PLPPR1: variants seen among roughly 807,000 people sequenced by gnomAD.
PLPPR1 encodes the protein phospholipid phosphatase-related protein type 1.
In PLPPR1, 10 loss-of-function variants were observed where a neutral mutation model predicts 33.1. That is an observed-to-expected ratio of 0.30 (90% CI 0.19 to 0.51). PLPPR1 has a LOEUF of 0.51. PLPPR1 is among the 20% of genes least tolerant of loss of function. PLPPR1 has a pLI of 0.97. For missense variants in PLPPR1, 304 were observed against 408.1 expected, an observed-to-expected ratio of 0.74 and a Z score of 2.20; for synonymous variants, 151 against 151.0, an observed-to-expected ratio of 1.00 and a Z score of 0.00.
intron 1 of PLPPR1, among the ~76,000 whole-genome samples, chr9:101,095,152 A>G (rs962975645): frequency 2.6e-5 from 4 of 152,196 alleles, no homozygotes; most frequent in African/African-American, 2.4e-5. Flanking sequence ...TCCAAGCTCA[A>G]TAGTCTCACT....
intron 2 of PLPPR1, among the ~76,000 whole-genome samples, chr9:101,231,800 G>A (rs184514595): frequency 1.2e-4 from 19 of 152,094 alleles, no homozygotes; most frequent in Admixed American, 7.2e-4. Flanking sequence ...TAAAGTAGTC[G>A]ATTTTCCTTC....
intron 7 of PLPPR1, among the ~76,000 whole-genome samples, chr9:101,320,167 C>T (rs1363363288): frequency 6.6e-6 from 1 of 152,188 alleles, no homozygotes; most frequent in Non-Finnish European, 1.5e-5. Flanking sequence ...AGTAGTTGAA[C>T]TTCTCTCAAA....
At chr9:101,313,440 A>G (rs1478954180) in intron 6 of PLPPR1, among the ~76,000 whole-genome samples, 1 of 152,172 alleles carries the variant, frequency 6.6e-6, no homozygotes, top group African/African-American at 2.4e-5. Flanking sequence ...CCAAAGTTGC[A>G]TCTCCTACTC....
chr9:101,173,732 G>T lies in PLPPR1; in HGVS notation c.-45-11718G>T, dbSNP rs1825980086. On this transcript the variant is annotated intron_variant, in intron 1 of 7. Transcript: ENST00000374874. ...CCTAAATTAGTAGTTCTCCATCAGG[G>T]GAAGTCTCCATGCCTTTTTTCTCTC... Among the ~76,000 whole-genome samples the T allele has an allele frequency of 2.6e-5, 4 of 152,074 alleles. No individual in the cohort carries two copies. In the South Asian group the frequency reaches 8.3e-4, roughly 32 times the overall value.
intron 1 of PLPPR1, chr9:101,125,659 T>C (rs1443240263): frequency 1.0e-5 from 6 of 597,730 alleles, no homozygotes; most frequent in Admixed American, 8.5e-5. Flanking sequence ...TCATGGCAAT[T>C]CACATATTTA....
intron 3 of PLPPR1, among the ~76,000 whole-genome samples, chr9:101,272,989 C>T (rs547253331): frequency 9.2e-5 from 14 of 152,132 alleles, no homozygotes; most frequent in Non-Finnish European, 2.1e-4. Context: ...TAATTAGAAA[C>T]TAGGAACTAG....
chr9:101,086,404 T>C (rs1257447281), intron 1 of PLPPR1, among the ~76,000 whole-genome samples: 1 of 152,186 alleles, frequency 6.6e-6, no homozygotes, highest in East Asian at 1.9e-4. Flanking sequence ...AGTTGTCCTA[T>C]GATGGGTCAA....
intron 4 of PLPPR1, among the ~76,000 whole-genome samples, chr9:101,289,967 G>A (rs573592539): frequency 6.6e-4 from 101 of 152,284 alleles, no homozygotes; most frequent in Non-Finnish European, 9.7e-4. Flanking sequence ...GGAAATTAAA[G>A]TGCATAAATG....
At chr9:101,308,048 G>A (rs115548078) in intron 4 of PLPPR1, among the ~76,000 whole-genome samples, 2,158 of 152,226 alleles carry the variant, frequency 0.014, 42 homozygotes, top group African/African-American at 0.047. Context: ...ATAAAATCCA[G>A]GAAGTATAGC....
At chr9:101,167,603 G>T (rs1269276966) in intron 1 of PLPPR1, among the ~76,000 whole-genome samples, 1 of 152,022 alleles carries the variant, frequency 6.6e-6, no homozygotes, top group Non-Finnish European at 1.5e-5. Flanking sequence ...ATGAGAACTA[G>T]TGCAGACATC....
At chr9:101,050,912 C>T (rs921259891) in intron 1 of PLPPR1, among the ~76,000 whole-genome samples, 1 of 152,292 alleles carries the variant, frequency 6.6e-6, no homozygotes, top group East Asian at 1.9e-4. Context: ...TCCATCGGCT[C>T]TTACCCAGTC....
intron 1 of PLPPR1, among the ~76,000 whole-genome samples, chr9:101,078,528 A>G (rs1031753842): frequency 7.2e-5 from 11 of 151,894 alleles, no homozygotes; most frequent in African/African-American, 2.7e-4. Context: ...GTTGGGACCT[A>G]TAAGTTAAAG....
intron 1 of PLPPR1, among the ~76,000 whole-genome samples, chr9:101,155,007 T>G (rs1244653632): frequency 6.6e-6 from 1 of 150,548 alleles, no homozygotes; most frequent in East Asian, 2.0e-4. Context: ...ATATACGTAA[T>G]GTAAATGATG....
rs143057370 is a variant in PLPPR1, at chr9:101,046,664, C to G, written c.-46+17562C>G. 5.9e-3 allele frequency among the ~76,000 whole-genome samples: 891 copies of G among 151,836 alleles called. 8 individuals are homozygous for G. Among genetic ancestry groups the G allele is most frequent in the African/African-American group, 0.021 (855 of 41,412 alleles). ...TTCACCATGTTAGCCAGGATGGTCT[C>G]GATCTCCTGACCTCGTGATCCACCT... On this transcript the variant is annotated intron_variant, in intron 1 of 7. Transcript: ENST00000374874.
intron 2 of PLPPR1, among the ~76,000 whole-genome samples, chr9:101,268,233 C>T (rs1159724302): frequency 6.7e-6 from 1 of 150,254 alleles, no homozygotes; most frequent in Non-Finnish European, 1.5e-5. Flanking sequence ...CACATGTACC[C>T]TAAAGTAAAA....
chr9:101,295,300 G>T (rs897328273), intron 4 of PLPPR1, among the ~76,000 whole-genome samples: 3 of 151,978 alleles, frequency 2.0e-5, no homozygotes, highest in Non-Finnish European at 4.4e-5. Flanking sequence ...GGAAATAAAA[G>T]AGGATACAAA....
intron 1 of PLPPR1, among the ~76,000 whole-genome samples, chr9:101,084,013 G>C (rs2118517454): frequency 6.6e-6 from 1 of 152,274 alleles, no homozygotes; most frequent in South Asian, 2.1e-4. Flanking sequence ...TGGCCTGAGT[G>C]GCTGGGTTTA....
At chr9:101,207,637 C>A (rs969938034) in intron 2 of PLPPR1, among the ~76,000 whole-genome samples, 1 of 152,138 alleles carries the variant, frequency 6.6e-6, no homozygotes, top group Non-Finnish European at 1.5e-5. Context: ...CACCCCCATT[C>A]ACCGTGGAAA....
intron 1 of PLPPR1, among the ~76,000 whole-genome samples, chr9:101,172,770 C>T (rs1013575158): frequency 8.5e-5 from 13 of 152,082 alleles, no homozygotes; most frequent in African/African-American, 2.2e-4. Context: ...TCAGGGTGAT[C>T]GCTGGCCACT....
Sources: allele counts gnomAD v4.1 joint callset (sites outside exome capture counted in the v4.1 genomes callset), GRCh38; gene constraint gnomAD v4.1.1; transcripts MANE v1.5; gene names NCBI Gene and HGNC (gene_info 2026-07-23, HGNC 2026-07-21).